CNTLN: variants seen among roughly 807,000 people sequenced by gnomAD.
CNTLN encodes the protein centlein, centrosomal protein.
Under a neutral mutation model 180.0 loss-of-function variants are expected in CNTLN, and 212 were observed. That is an observed-to-expected ratio of 1.18 (90% confidence interval 1.05 to 1.32). The LOEUF (loss-of-function observed/expected upper bound fraction) is 1.32. Among genes scored for constraint, CNTLN ranks in the 40% most tolerant of loss-of-function variants. CNTLN has a pLI of 0.00. For missense variants in CNTLN, 2,095 were observed against 1,610.9 expected, an observed-to-expected ratio of 1.30 and a Z score of -5.14; for synonymous variants, 722 against 563.1, an observed-to-expected ratio of 1.28 and a Z score of -3.99.
intron 2 of CNTLN, among the ~76,000 whole-genome samples, chr9:17,217,652 G>C (rs1046014552): frequency 1.3e-5 from 2 of 152,046 alleles, no homozygotes; most frequent in African/African-American, 4.8e-5. Context: ...CTAGATTCTG[G>C]GTGAAAAATA....
At chr9:17,179,889 T>G (rs1299765799) in intron 2 of CNTLN, among the ~76,000 whole-genome samples, 1 of 152,172 alleles carries the variant, frequency 6.6e-6, no homozygotes, top group Non-Finnish European at 1.5e-5. Flanking sequence ...TCACTACGTC[T>G]TCTTGGTAGA....
chr9:17,451,587 C>G (rs1212700905), intron 18 of CNTLN, among the ~76,000 whole-genome samples: 3 of 152,072 alleles, frequency 2.0e-5, no homozygotes, highest in African/African-American at 7.2e-5. Context: ...GGGAACTAAG[C>G]CTCACTTTTT....
Position 17,388,195 on chromosome 9 carries a change from T to G in CNTLN, c.2021T>G (p.Val674Gly). Residue 674 changes from valine to glycine, a missense_variant, in exon 14 of 26, where the codon GTC (valine) becomes GGC (glycine). Val to Gly is a moderately radical substitution (Grantham distance 109). Coordinates refer to ENST00000380647, the MANE Select transcript of CNTLN (RefSeq NM_017738.4). ...QLFRSGEDDE[V>G]KRSTPEKNGK... ...TTTAGATCTGGTGAAGATGATGAGG[T>G]CAAGAGGAGTACTCCAGAGAAGAAT... The G allele has an allele frequency of 6.2e-7, 1 of 1,612,264 alleles. No individual in the cohort carries two copies. The highest frequency in any genetic ancestry group is 1.1e-5 in the South Asian group (1 of 90,928).
chr9:17,206,512 A>G (rs555106519), intron 2 of CNTLN, among the ~76,000 whole-genome samples: 133 of 152,302 alleles, frequency 8.7e-4, no homozygotes, highest in Admixed American at 5.1e-3. Flanking sequence ...CTCTCCTTGC[A>G]AAGCCATGGT....
chr9:17,189,169 G>C lies in CNTLN; in HGVS notation c.450-37034G>C, dbSNP rs548797375. On this transcript the variant is annotated intron_variant, in intron 2 of 25. Coordinates refer to ENST00000380647, the MANE Select transcript of CNTLN (RefSeq NM_017738.4). The stretch of plus-strand genomic sequence containing the variant: ...GTGATCTCGGCTCACTGCAAGCTCC[G>C]CCTCCCGGGTTCACGCCATTCTCCT... 3.1e-5 allele frequency among the ~76,000 whole-genome samples: 4 copies of C among 128,956 alleles called. No individual in the cohort carries two copies. The South Asian group carries it at 1.1e-3, about 36-fold the overall frequency. 84.6% of individuals were successfully genotyped at this position (128,956 alleles called of 152,430 possible). A position where few individuals can be genotyped will look rare whatever the true frequency, so the allele number is the denominator to read the frequency against.
intron 2 of CNTLN, among the ~76,000 whole-genome samples, chr9:17,178,947 A>C (rs892344267): frequency 6.6e-6 from 1 of 152,136 alleles, no homozygotes; most frequent in African/African-American, 2.4e-5. Flanking sequence ...GTCACCTCTC[A>C]GAAGTGTAGA....
At position 17,260,929 on chromosome 9, in the gene CNTLN, G is replaced by T. The variant is rs188841289; in HGVS notation, c.850-12804G>T. 5.9e-5 allele frequency among the ~76,000 whole-genome samples: 9 copies of T among 151,374 alleles called. No homozygotes were observed. In the East Asian group the frequency reaches 1.7e-3, roughly 29 times the overall value. The stretch of plus-strand genomic sequence containing the variant: ...ATCTCAGCACCATTTATTGAATAGG[G>T]GGTCTTTTCCCCATTTCATGTTTTT... On this transcript the variant is annotated intron_variant, in intron 5 of 25. Coordinates refer to ENST00000380647, the MANE Select transcript of CNTLN (RefSeq NM_017738.4).
chr9:17,207,060 C>G (rs1232623304), intron 2 of CNTLN, among the ~76,000 whole-genome samples: 1 of 152,146 alleles, frequency 6.6e-6, no homozygotes, highest in African/African-American at 2.4e-5. Flanking sequence ...CCGCCACAGT[C>G]TGGTGAGTGC....
intron 12 of CNTLN, among the ~76,000 whole-genome samples, chr9:17,352,896 C>T (rs1286762538): frequency 2.0e-5 from 3 of 152,150 alleles, no homozygotes; most frequent in Non-Finnish European, 4.4e-5. Flanking sequence ...AAGTTCATTA[C>T]TTTTTTATGG....
chr9:17,346,423 G>A (rs1053142751), intron 12 of CNTLN, among the ~76,000 whole-genome samples: 27 of 152,218 alleles, frequency 1.8e-4, no homozygotes, highest in African/African-American at 6.5e-4. Context: ...GGGGATTATG[G>A]GAATTACAAT....
In CNTLN at chr9:17,139,732, T is replaced by C. The variant is rs559104319; in HGVS notation, c.361-3556T>C. Among the ~76,000 whole-genome samples, 249 of 152,214 alleles carry C rather than the reference T, an allele frequency of 1.6e-3. 1 individual carries two copies. Among genetic ancestry groups the C allele is most frequent in the African/African-American group, 5.7e-3 (238 of 41,532 alleles). ...TTTGTTTTCATTTTATTTGTGACAG[T>C]CTCCCTCTGTCACCCACGCTGGAGT... On this transcript the variant is annotated intron_variant, in intron 1 of 25. Transcript: ENST00000380647.
At chr9:17,330,913 G>A (rs139238514) in intron 9 of CNTLN, 105 bp downstream of exon 9, 10 of 1,087,318 alleles carry the variant, frequency 9.2e-6, no homozygotes, top group African/African-American at 4.9e-5. Context: ...CTTGTATTTC[G>A]GGAAACTTTT....
chr9:17,204,220 T>C (rs116676954), intron 2 of CNTLN, among the ~76,000 whole-genome samples: 1 of 152,342 alleles, frequency 6.6e-6, no homozygotes, highest in African/African-American at 2.4e-5. Context: ...GGAGTTGTGA[T>C]CATTTGGAGA....
intron 5 of CNTLN, among the ~76,000 whole-genome samples, chr9:17,247,983 A>G (rs1825905584): frequency 6.6e-6 from 1 of 151,892 alleles, no homozygotes; most frequent in Non-Finnish European, 1.5e-5. Context: ...GGCATCAGCC[A>G]TCAAGCCTTG....
At chr9:17,411,036 TG>T (rs1367911612) in intron 16 of CNTLN, among the ~76,000 whole-genome samples, 1 of 152,124 alleles carries the variant, frequency 6.6e-6, no homozygotes, top group African/African-American at 2.4e-5. Context: ...AAACTTTTTT[TG>T]GGATTTTGAT....
intron 1 of CNTLN, 54 bp downstream of exon 1, chr9:17,135,479 G>T: frequency 3.9e-6 from 6 of 1,531,994 alleles, no homozygotes; most frequent in Admixed American, 2.0e-5. Context: ...GCCGGGACCC[G>T]TGGGGAGGCG....
intron 2 of CNTLN, among the ~76,000 whole-genome samples, chr9:17,188,011 C>CATATATATATATATATATATATACACCAT (rs10556334): frequency 1.4e-5 from 2 of 145,750 alleles, no homozygotes; most frequent in Non-Finnish European, 3.0e-5. Context: ...ATATATACAC[C>CATATATATATATATATATATATACACCAT]ATATATATAT....
chr9:17,495,423 G>A (rs970592822), intron 25 of CNTLN, among the ~76,000 whole-genome samples: 3 of 152,018 alleles, frequency 2.0e-5, no homozygotes, highest in African/African-American at 4.8e-5. Context: ...CCAGGGTAAT[G>A]TGTGTGTTTG....
chr9:17,274,479 A>ATCTATCTG (rs1563946991), intron 6 of CNTLN, among the ~76,000 whole-genome samples: 4 of 145,842 alleles, frequency 2.7e-5, no homozygotes, highest in African/African-American at 7.7e-5. Flanking sequence ...CTATCTATCT[A>ATCTATCTG]TCTATCTATC....
Sources: gnomAD v4.1 joint callset for allele counts (sites outside exome capture counted in the v4.1 genomes callset) on GRCh38, gnomAD v4.1.1 for gene constraint, MANE v1.5 for transcripts, NCBI Gene and HGNC (gene_info 2026-07-23, HGNC 2026-07-21) for gene names.